The following STAB2 variants were observed in gnomAD, a reference collection of about 807,000 sequenced individuals.
STAB2 encodes the protein stabilin-2.
Under a neutral mutation model 338.1 loss-of-function variants are expected in STAB2, and 288 were observed. The ratio of observed to expected loss-of-function variants is 0.85; its 90% CI spans 0.77 to 0.94. STAB2 has a LOEUF of 0.94. Ranked by LOEUF, STAB2 falls within the 40% of genes least tolerant of loss-of-function variation. The pLI is 0.00. For synonymous variants in STAB2, 1,202 were observed against 1,193.3 expected (o/e 1.01, Z -0.15); for missense variants, 3,141 against 3,210.1 (o/e 0.98, Z 0.52).
intron 34 of STAB2, among the ~76,000 whole-genome samples, chr12:103,701,324 A>T (rs973307108): frequency 6.6e-6 from 1 of 152,240 alleles, no homozygotes; most frequent in African/African-American, 2.4e-5. Flanking sequence ...ACGTGTGCAT[A>T]TGTCTTTAGA....
chr12:103,680,290 A>G (rs372949282), intron 25 of STAB2, among the ~76,000 whole-genome samples: 1 of 152,226 alleles, frequency 6.6e-6, no homozygotes, highest in Non-Finnish European at 1.5e-5. Flanking sequence ...ACATTTTCTC[A>G]TACATATATT....
intron 52 of STAB2, 134 bp from the exon 53 acceptor site, chr12:103,737,500 T>C (rs890999216): frequency 5.1e-5 from 48 of 939,364 alleles, no homozygotes; most frequent in Admixed American, 1.5e-4. Context: ...TTTATTAAGT[T>C]CTTCCTGAGT....
chr12:103,692,808 A>C lies in STAB2; in HGVS notation c.3298-4A>C. On this transcript the variant is annotated splice_polypyrimidine_tract_variant and splice_region_variant and intron_variant, in intron 30 of 68. Transcript: ENST00000388887. ...CATCTTCCCACTGTGGTTTGCATTT[A>C]CAGAATATCACAATTGAAGGGGCCT... The C allele has an allele frequency of 6.2e-7, 1 of 1,612,892 alleles. No individual in the cohort carries two copies. Among genetic ancestry groups the C allele is most frequent in the Non-Finnish European group, 8.5e-7 (1 of 1,179,170 alleles).
At chr12:103,593,206 T>C (rs890047455) in intron 2 of STAB2, among the ~76,000 whole-genome samples, 10 of 152,178 alleles carry the variant, frequency 6.6e-5, no homozygotes, top group Admixed American at 5.9e-4. Context: ...ATGGATCATA[T>C]GGTAGTTTTA....
chr12:103,660,374 C>G lies in STAB2; in HGVS notation c.1778C>G (p.Pro593Arg), dbSNP rs754787638. The change falls in exon 16 of 69, where the codon CCA (proline) becomes CGA (arginine). Residue 593 changes from proline to arginine, a missense_variant. By Grantham distance (103) the Pro-to-Arg change is moderately radical (BLOSUM62 -2). Transcript: ENST00000388887. ...GAACTCGTCAGATACCACATTGTCC[C>G]ATTTACCCAGGTTGGCCCCACTTTT... Reference protein sequence around the residue: ...LLELVRYHIVPFTQLEVATLI... With the variant: ...LLELVRYHIVRFTQLEVATLI... The G allele has an allele frequency of 1.2e-6, 2 of 1,614,160 alleles. No homozygotes were observed. Among genetic ancestry groups the G allele is most frequent in the South Asian group, 1.1e-5 (1 of 91,078 alleles).
chr12:103,633,254 A>T lies in STAB2; in HGVS notation c.583+1561A>T, dbSNP rs557638408. Reference sequence around the variant, plus strand: ...AACCCTAATAGATATGCTTCCAAGTAAAAAAATAATAATAATTCTGTCCAG... The same window carrying T: ...AACCCTAATAGATATGCTTCCAAGTTAAAAAATAATAATAATTCTGTCCAG... On this transcript the variant is annotated intron_variant, in intron 6 of 68. Transcript: ENST00000388887. 2.0e-5 allele frequency among the ~76,000 whole-genome samples: 3 copies of T among 152,332 alleles called. No homozygotes were observed. The East Asian group carries it at 5.8e-4, about 29-fold the overall frequency.
intron 17 of STAB2, 58 bp downstream of exon 17, chr12:103,660,821 A>T: frequency 6.5e-7 from 1 of 1,549,406 alleles, no homozygotes; most frequent in Non-Finnish European, 8.9e-7. Context: ...CTCGATAATG[A>T]TTATTCATCA....
At chr12:103,704,239 C>G (rs1879145218) in intron 35 of STAB2, among the ~76,000 whole-genome samples, 1 of 152,224 alleles carries the variant, frequency 6.6e-6, no homozygotes, top group Non-Finnish European at 1.5e-5. Context: ...GGTACAGTAA[C>G]TTGTGAGTTT....
At position 103,727,240 on chromosome 12, in the gene STAB2, G is replaced by A. The variant is rs576795013; in HGVS notation, c.4852-27G>A. The A allele has an allele frequency of 9.3e-6, 15 of 1,613,310 alleles. No homozygotes were observed. In the African/African-American group the frequency reaches 1.5e-4, roughly 16 times the overall value. ...CATGTATTGATGTTAAGTGAGTGAT[G>A]TGTGAGCCTCACCTTTCTTCCCACA... On this transcript the variant is annotated intron_variant, in intron 46 of 68. Transcript: ENST00000388887.
chr12:103,628,950 C>T (rs190399819), intron 5 of STAB2, among the ~76,000 whole-genome samples: 1 of 152,334 alleles, frequency 6.6e-6, no homozygotes, highest in East Asian at 1.9e-4. Context: ...AACCCTGTTT[C>T]ACTCTCCTCA....
chr12:103,737,028 A>G (rs1354979101), intron 52 of STAB2, among the ~76,000 whole-genome samples: 1 of 152,256 alleles, frequency 6.6e-6, no homozygotes, highest in Admixed American at 6.5e-5. Context: ...TTATCATTAC[A>G]AAGTTAAAGC....
Position 103,766,371 on chromosome 12 carries a change from G to A in STAB2, c.*35G>A. On this transcript the variant is annotated 3_prime_UTR_variant, in exon 69 of 69. Coordinates refer to ENST00000388887, the MANE Select transcript of STAB2 (RefSeq NM_017564.10). ...CGGGAGATGCCAGCCATCACTCACT[G>A]CCACCTGGGCCATCAACTGTGAATT... The A allele has an allele frequency of 1.9e-6, 3 of 1,580,400 alleles. No homozygotes were observed. The highest frequency in any genetic ancestry group is 2.6e-6 in the Non-Finnish European group (3 of 1,162,770).
At chr12:103,602,122 CCTT>C (rs981922929) in intron 3 of STAB2, among the ~76,000 whole-genome samples, 2 of 152,188 alleles carry the variant, frequency 1.3e-5, no homozygotes, top group Non-Finnish European at 2.9e-5. Flanking sequence ...GTCAAGCCCT[CCTT>C]CAACTCCCAA....
chr12:103,591,817 T>C (rs1346951974), intron 2 of STAB2, among the ~76,000 whole-genome samples: 1 of 152,216 alleles, frequency 6.6e-6, no homozygotes, highest in Non-Finnish European at 1.5e-5. Context: ...GGATGACAAG[T>C]GGTTCTGCTC....
At chr12:103,618,537 T>C (rs1024184145) in intron 3 of STAB2, among the ~76,000 whole-genome samples, 1 of 152,166 alleles carries the variant, frequency 6.6e-6, no homozygotes, top group Non-Finnish European at 1.5e-5. Context: ...ACAGGGAAGA[T>C]GTATGGCAGA....
Position 103,669,082 on chromosome 12 carries a change from A to G in STAB2, c.2172+353A>G, listed in dbSNP as rs964996795. The stretch of plus-strand genomic sequence containing the variant: ...TGCTCTTCCAGATTTCCCTGAGGCT[A>G]ACTCATCTTCAGTGTCTCCATTAAC... On this transcript the variant is annotated intron_variant, in intron 20 of 68. Transcript: ENST00000388887. 68 of 268,072 alleles carry G rather than the reference A, an allele frequency of 2.5e-4. No homozygotes were observed. In the Admixed American group the frequency reaches 3.3e-3, roughly 13 times the overall value. 16.6% of individuals were successfully genotyped at this position (268,072 alleles called of 1,614,324 possible).
chr12:103,643,937 G>A lies in STAB2; in HGVS notation c.1040+3681G>A, dbSNP rs1432264193. ...GAGGAGCCCCTCTGCCCGGCCAGCC[G>A]CCCCGTCCGGGAGGTGAGGGGCGCC... On this transcript the variant is annotated intron_variant, in intron 9 of 68. Coordinates refer to ENST00000388887, the MANE Select transcript of STAB2 (RefSeq NM_017564.10). Among the ~76,000 whole-genome samples, 11 of 79,878 alleles carry A rather than the reference G, an allele frequency of 1.4e-4. 1 individual carries two copies. Among genetic ancestry groups the A allele is most frequent in the East Asian group, 2.7e-4 (1 of 3,658 alleles). 52.4% of individuals were successfully genotyped at this position (79,878 alleles called of 152,430 possible).
intron 40 of STAB2, among the ~76,000 whole-genome samples, chr12:103,711,832 G>A (rs1421736836): frequency 6.6e-6 from 1 of 152,142 alleles, no homozygotes; most frequent in African/African-American, 2.4e-5. Context: ...CCTTGTTCCT[G>A]ACTCACAGCA....
At chr12:103,615,564 T>C (rs1282268663) in intron 3 of STAB2, among the ~76,000 whole-genome samples, 7 of 152,182 alleles carry the variant, frequency 4.6e-5, no homozygotes, top group Admixed American at 3.9e-4. Flanking sequence ...TTCAAGGTAA[T>C]TATGCTTCTG....
Sources: allele counts gnomAD v4.1 joint callset (sites outside exome capture counted in the v4.1 genomes callset), GRCh38; gene constraint gnomAD v4.1.1; transcripts MANE v1.5; gene names NCBI Gene and HGNC (gene_info 2026-07-23, HGNC 2026-07-21).